Variants in TLCD4 observed in about 807,000 individuals in gnomAD.
TLCD4 encodes the protein TLC domain containing 4.
TLCD4 carries 7 observed loss-of-function variants against 24.2 expected under a neutral mutation model. The observed-to-expected ratio is 0.29, with a 90% CI of 0.16 to 0.54. The LOEUF is 0.54. Ranked by LOEUF, TLCD4 falls within the 20% of genes least tolerant of loss-of-function variation. The probability of loss-of-function intolerance (pLI) is 0.95; values close to 1 mark genes in which losing one functional copy is unlikely to be tolerated. For missense variants in TLCD4, 259 were observed against 313.9 expected (o/e 0.82, Z 1.32); for synonymous variants, 103 against 106.4 (o/e 0.97, Z 0.20).
At chr1:95,160,599 A>G (rs1366580029) in intron 5 of TLCD4, among the ~76,000 whole-genome samples, 1 of 152,176 alleles carries the variant, frequency 6.6e-6, no homozygotes, top group Non-Finnish European at 1.5e-5. Flanking sequence ...TTCAAAGGGA[A>G]TGCTTCCAGT....
chr1:95,141,834 A>AC (rs1557682582), intron 1 of TLCD4, among the ~76,000 whole-genome samples: 16 of 70,818 alleles, frequency 2.3e-4, no homozygotes, highest in African/African-American at 4.8e-4. Context: ...CACACACACA[A>AC]AGAATGAGGA....
chr1:95,143,711 CAAAT>C (rs1010309447), intron 1 of TLCD4, among the ~76,000 whole-genome samples, 176 bp from the exon 2 acceptor site: 2 of 151,798 alleles, frequency 1.3e-5, no homozygotes, highest in Non-Finnish European at 2.9e-5. Context: ...AGATACATGA[CAAAT>C]AGATGGTAAA....
chr1:95,148,610 G>A, intron 2 of TLCD4, 92 bp from the exon 3 acceptor site: 1 of 1,548,076 alleles, frequency 6.5e-7, no homozygotes, highest in South Asian at 1.2e-5. Context: ...ATGCTTCCAG[G>A]TATAACTTGT....
intron 1 of TLCD4, among the ~76,000 whole-genome samples, chr1:95,141,590 C>G (rs996782400): frequency 6.6e-6 from 1 of 152,074 alleles, no homozygotes; most frequent in African/African-American, 2.4e-5. Context: ...CTCCTTACAT[C>G]CCACTTAGCA....
the TLCD4 span, among the ~76,000 whole-genome samples, chr1:95,097,708 C>A: frequency 2.6e-5 from 4 of 152,044 alleles, no homozygotes; most frequent in South Asian, 8.3e-4. Flanking sequence ...ACTCTTGCCC[C>A]CTTTTGAAAG....
At chr1:95,101,646 T>G in the TLCD4 span, among the ~76,000 whole-genome samples, 1 of 152,276 alleles carries the variant, frequency 6.6e-6, no homozygotes, top group East Asian at 1.9e-4. Context: ...TTTGTCTTTT[T>G]AACATGACTC....
At chr1:95,153,213 A>C (rs1335340379) in intron 5 of TLCD4, among the ~76,000 whole-genome samples, 4 of 151,968 alleles carry the variant, frequency 2.6e-5, no homozygotes, top group Non-Finnish European at 5.9e-5. Flanking sequence ...AGTTCTGGAG[A>C]TGGATGGTGG....
chr1:95,112,585 A>G (rs78790337), upstream of TLCD4, among the ~76,000 whole-genome samples: 5 of 152,240 alleles, frequency 3.3e-5, no homozygotes, highest in African/African-American at 9.6e-5. Flanking sequence ...TAGACATTTC[A>G]ATGGCAACAC....
chr1:95,167,602 G>C (rs559077135), intron 5 of TLCD4, among the ~76,000 whole-genome samples: 44 of 152,146 alleles, frequency 2.9e-4, no homozygotes, highest in African/African-American at 1.1e-3. Context: ...CTGACGCACG[G>C]TAATCTAAGC....
At chr1:95,148,581 A>G in intron 2 of TLCD4, 121 bp from the exon 3 acceptor site, 2 of 1,335,752 alleles carry the variant, frequency 1.5e-6, no homozygotes, top group East Asian at 2.4e-5. Context: ...TCTCCGTTAT[A>G]CTTCACACCT....
At chr1:95,120,863 A>G (rs1291968854) in intron 1 of TLCD4, among the ~76,000 whole-genome samples, 1 of 152,226 alleles carries the variant, frequency 6.6e-6, no homozygotes, top group Non-Finnish European at 1.5e-5. Flanking sequence ...ATAACGTGTT[A>G]GTGGATCACA....
intron 5 of TLCD4, among the ~76,000 whole-genome samples, chr1:95,168,173 A>T (rs897606924): frequency 1.3e-5 from 2 of 152,220 alleles, no homozygotes; most frequent in African/African-American, 4.8e-5. Context: ...ACCATTCATT[A>T]TAGATTTCTT....
chr1:95,146,999 A>G (rs1017393604), intron 2 of TLCD4, among the ~76,000 whole-genome samples: 1 of 151,538 alleles, frequency 6.6e-6, no homozygotes, highest in African/African-American at 2.4e-5. Context: ...TAAATTTTAT[A>G]TAATTTTTGA....
intron 1 of TLCD4, chr1:95,121,240 C>T (rs1397755054): frequency 6.6e-6 from 1 of 152,190 alleles, no homozygotes; most frequent in Non-Finnish European, 1.5e-5. Context: ...AATGAGGAGA[C>T]AAAAGGACCC....
intron 1 of TLCD4, among the ~76,000 whole-genome samples, chr1:95,133,393 A>T (rs1172603698): frequency 6.6e-6 from 1 of 151,932 alleles, no homozygotes; most frequent in Non-Finnish European, 1.5e-5. Context: ...ATTAAAAAAA[A>T]AAGAGCCAAT....
At chr1:95,136,685 T>TGCCAC (rs1474759695) in intron 1 of TLCD4, among the ~76,000 whole-genome samples, 2 of 152,220 alleles carry the variant, frequency 1.3e-5, no homozygotes, top group East Asian at 3.8e-4. Flanking sequence ...TTTGGTATTT[T>TGCCAC]TCATAAGGCT....
chr1:95,173,758 T>C, intron 5 of TLCD4, 58 bp from the exon 6 acceptor site: 1 of 1,608,992 alleles, frequency 6.2e-7, no homozygotes, highest in Non-Finnish European at 8.5e-7. Flanking sequence ...TTCTACGGTA[T>C]TTGGGAATTT....
intron 5 of TLCD4, among the ~76,000 whole-genome samples, chr1:95,152,463 G>T (rs978471757): frequency 6.6e-6 from 1 of 152,006 alleles, no homozygotes; most frequent in Admixed American, 6.6e-5. Context: ...GCTGTTTGCA[G>T]TAAGCTTTTT....
At chr1:95,123,355 A>G (rs1447220230) in intron 1 of TLCD4, among the ~76,000 whole-genome samples, 3 of 152,222 alleles carry the variant, frequency 2.0e-5, no homozygotes, top group East Asian at 1.9e-4. Flanking sequence ...CCAGGGCAAC[A>G]TAAGGATGAA....
Sources: gnomAD v4.1 joint callset for allele counts (sites outside exome capture counted in the v4.1 genomes callset) on GRCh38, gnomAD v4.1.1 for gene constraint, MANE v1.5 for transcripts, NCBI Gene and HGNC (gene_info 2026-07-23, HGNC 2026-07-21) for gene names.